Variants in CRYBG3 observed in about 807,000 individuals in gnomAD.
The protein encoded by CRYBG3 is very large A-kinase anchor protein.
A neutral mutation model predicts 244.2 loss-of-function variants in CRYBG3; 127 were observed. That is an observed-to-expected ratio of 0.52 (90% CI 0.45 to 0.60). The LOEUF (loss-of-function observed/expected upper bound fraction) is 0.60. Among genes scored for constraint, CRYBG3 ranks in the 20% least tolerant of loss-of-function variants. The pLI is 0.00. For missense variants in CRYBG3, 3,325 were observed against 3,442.5 expected, an observed-to-expected ratio of 0.97 and a Z score of 0.85; for synonymous variants, 1,132 against 1,195.8, an observed-to-expected ratio of 0.95 and a Z score of 1.10.
intron 18 of CRYBG3, 151 bp from the exon 19 acceptor site, chr3:97,936,634 C>A: frequency 1.4e-6 from 1 of 702,978 alleles, no homozygotes; most frequent in South Asian, 2.7e-5. Flanking sequence ...TCTCCTATAC[C>A]TCCCTGATTT....
At position 97,877,973 on chromosome 3, in the gene CRYBG3, A is replaced by G; in HGVS notation, c.6779A>G (p.Gln2260Arg). Residue 2260 changes from glutamine (Q) to arginine (R), a missense_variant, in exon 4 of 22, where the codon CAG becomes CGG. By Grantham distance (43) the Gln-to-Arg change is conservative. Around this residue, in one of 4 missense-constraint regions of CRYBG3, gnomAD observed 450 missense variants for 424.1 expected, o/e 1.06. Transcript: ENST00000389622. ...EKGARFGGIF[Q>R]EPVSKYFRVQ... ...GGAGCCAGATTTGGTGGAATTTTTCAGGAACCAGTGTCAAAATATTTCCGT... is the reference window on the plus strand; with the variant it reads ...GGAGCCAGATTTGGTGGAATTTTTCGGGAACCAGTGTCAAAATATTTCCGT... 6.2e-7 allele frequency: 1 copy of G among 1,614,184 alleles called. No homozygotes were observed. The highest frequency in any genetic ancestry group is 8.5e-7 in the Non-Finnish European group (1 of 1,180,008).
Position 97,874,011 on chromosome 3 carries a change from T to C in CRYBG3, c.2817T>C (p.Asn939=). ...LGSPPALLKS[N]ISWILPPIHD... is the part of the protein sequence containing the mutation. ...CTCCTCCTGCTCTTCTTAAAAGTAA[T>C]ATATCTTGGATTTTACCACCTATTC... Residue 939 remains asparagine, a synonymous_variant, in exon 4 of 22, where the codon AAT becomes AAC. Transcript: ENST00000389622. The C allele has an allele frequency of 2.6e-6, 4 of 1,535,202 alleles. No homozygotes were observed. Among genetic ancestry groups the C allele is most frequent in the South Asian group, 2.4e-5 (2 of 83,782 alleles).
intron 2 of CRYBG3, among the ~76,000 whole-genome samples, chr3:97,845,234 GTCT>G (rs1187149202): frequency 6.6e-6 from 1 of 152,120 alleles, no homozygotes; most frequent in Non-Finnish European, 1.5e-5. Flanking sequence ...ACCTTATATA[GTCT>G]TCTTTTTGTG....
chr3:97,933,428 T>C lies in CRYBG3; in HGVS notation c.8242-266T>C, dbSNP rs1304269497. On this transcript the variant is annotated intron_variant, in intron 17 of 21. Coordinates refer to ENST00000389622, the MANE Select transcript of CRYBG3 (RefSeq NM_153605.4). ...CAAGACCTTAATCTGTGATTTGGAA[T>C]CATGGGTCTCTTTATTATGGCTGTT... is the stretch of plus-strand genomic sequence containing the variant. 7 of 476,362 alleles carry C rather than the reference T, an allele frequency of 1.5e-5. No individual in the cohort carries two copies. The Admixed American group carries it at 2.2e-4, about 15-fold the overall frequency. The allele number at this position is 476,362 out of a possible 1,614,324, so 29.5% of individuals were successfully genotyped here. A position where few individuals can be genotyped will look rare whatever the true frequency, so the allele number is the denominator to read the frequency against.
At chr3:97,846,077 A>G (rs1468070889) in intron 2 of CRYBG3, among the ~76,000 whole-genome samples, 4 of 152,306 alleles carry the variant, frequency 2.6e-5, no homozygotes, top group Admixed American at 6.5e-5. Flanking sequence ...AAGCTATTCC[A>G]TGAAACCAGT....
intron 18 of CRYBG3, 146 bp downstream of exon 18, chr3:97,933,979 C>G (rs1435532903): frequency 1.7e-6 from 1 of 573,174 alleles, no homozygotes; most frequent in Non-Finnish European, 3.1e-6. Flanking sequence ...ACCATATGGT[C>G]ACAGCATGTG....
intron 1 of CRYBG3, among the ~76,000 whole-genome samples, chr3:97,841,308 A>G (rs1042681671): frequency 6.7e-6 from 1 of 149,726 alleles, no homozygotes; most frequent in East Asian, 2.0e-4. Flanking sequence ...ATGTATATAT[A>G]TGTGTATATA....
At chr3:97,880,193 C>T (rs2039428973) in intron 6 of CRYBG3, 93 bp downstream of exon 6, 1 of 623,130 alleles carries the variant, frequency 1.6e-6, no homozygotes, top group East Asian at 2.9e-5. Flanking sequence ...TTATTGAAGT[C>T]ATATTCTCCT....
At chr3:97,841,855 A>G (rs2038824088) in intron 1 of CRYBG3, among the ~76,000 whole-genome samples, 1 of 152,114 alleles carries the variant, frequency 6.6e-6, no homozygotes, top group Non-Finnish European at 1.5e-5. Flanking sequence ...TTGGAGGATT[A>G]CCTCTGTCCT....
At position 97,943,300 on chromosome 3, in the gene CRYBG3, A is replaced by G; in HGVS notation, c.8899A>G (p.Ile2967Val). 6.4e-7 allele frequency: 1 copy of G among 1,564,312 alleles called. No homozygotes were observed. Among genetic ancestry groups the G allele is most frequent in the South Asian group, 1.1e-5 (1 of 89,510 alleles). ...LEGEETQKWD[I>V]EIL is the part of the protein sequence containing the mutation. Reference sequence around the variant, plus strand: ...GGGAGAAGAAACACAGAAATGGGACATTGAAATATTGTGAGAGAATCAACA... The same window carrying G: ...GGGAGAAGAAACACAGAAATGGGACGTTGAAATATTGTGAGAGAATCAACA... Residue 2967 changes from isoleucine (I) to valine (V), a missense_variant, in exon 22 of 22, where the codon ATT becomes GTT. Ile to Val is a conservative substitution (Grantham distance 29, BLOSUM62 3). Around this residue, in one of 4 missense-constraint regions of CRYBG3, gnomAD observed 714 missense variants for 803.6 expected, o/e 0.89. Coordinates refer to ENST00000389622, the MANE Select transcript of CRYBG3 (RefSeq NM_153605.4).
At position 97,926,181 on chromosome 3, in the gene CRYBG3, G is replaced by A. The variant is rs77599223; in HGVS notation, c.8242-7513G>A. On this transcript the variant is annotated intron_variant, in intron 17 of 21. Coordinates refer to ENST00000389622, the MANE Select transcript of CRYBG3 (RefSeq NM_153605.4). Reference sequence around the variant, plus strand: ...TGCAAAAATCCTCAACAAAGTACTGGCAAACTGAATCCAGCAGGACATCAA... The same window carrying A: ...TGCAAAAATCCTCAACAAAGTACTGACAAACTGAATCCAGCAGGACATCAA... Among the ~76,000 whole-genome samples the A allele has an allele frequency of 6.4e-3, 979 of 152,128 alleles. 8 individuals are homozygous for A. Among genetic ancestry groups the A allele is most frequent in the African/African-American group, 0.022 (895 of 41,520 alleles).
At chr3:97,841,088 T>C (rs2038806241) in intron 1 of CRYBG3, among the ~76,000 whole-genome samples, 1 of 151,976 alleles carries the variant, frequency 6.6e-6, no homozygotes, top group African/African-American at 2.4e-5. Flanking sequence ...TTGTACGGGT[T>C]ACAATTCTGT....
chr3:97,832,676 A>C (rs2038671095), intron 1 of CRYBG3, among the ~76,000 whole-genome samples: 1 of 152,222 alleles, frequency 6.6e-6, no homozygotes, highest in South Asian at 2.1e-4. Flanking sequence ...CTTCCTGACT[A>C]AAACACCAAA....
intron 17 of CRYBG3, among the ~76,000 whole-genome samples, chr3:97,923,899 A>G (rs1320466426): frequency 6.6e-6 from 1 of 152,160 alleles, no homozygotes. Context: ...CAGGCAAAAC[A>G]CAGTGTTCTC....
At chr3:97,851,622 G>A (rs561941035) in intron 2 of CRYBG3, among the ~76,000 whole-genome samples, 1 of 152,330 alleles carries the variant, frequency 6.6e-6, no homozygotes, top group South Asian at 2.1e-4. Flanking sequence ...GGTAGGGAGG[G>A]AGAGAGGAAG....
At chr3:97,888,299 G>C in intron 8 of CRYBG3, 42 bp from the exon 9 acceptor site, 1 of 1,195,740 alleles carries the variant, frequency 8.4e-7, no homozygotes, top group Non-Finnish European at 1.2e-6. Context: ...CCAGACTAAA[G>C]CAGTACTATT....
At chr3:97,930,950 C>A (rs2040090933) in intron 17 of CRYBG3, among the ~76,000 whole-genome samples, 1 of 152,024 alleles carries the variant, frequency 6.6e-6, no homozygotes, top group African/African-American at 2.4e-5. Flanking sequence ...CCAAAGTGAT[C>A]TTTTTCCTCA....
In CRYBG3 at chr3:97,872,503, T is replaced by G. The variant is rs575157583; in HGVS notation, c.1309T>G (p.Phe437Val). Residue 437 changes from phenylalanine to valine, a missense_variant, in exon 4 of 22, where the codon TTC becomes GTC. Physicochemically the swap from Phe to Val is conservative, Grantham distance 50 (BLOSUM62 -1). Transcript: ENST00000389622. ...VEPQGPAISD[F>V]SCSKSDGSDT... ...GCCTCAGGGCCCTGCTATTTCTGATTTCTCTTGTAGTAAATCTGATGGGAG... is the reference window on the plus strand; with the variant it reads ...GCCTCAGGGCCCTGCTATTTCTGATGTCTCTTGTAGTAAATCTGATGGGAG... 3 of 1,536,000 alleles carry G rather than the reference T, an allele frequency of 2.0e-6. No individual in the cohort carries two copies. In the East Asian group the frequency reaches 7.3e-5, roughly 38 times the overall value.
intron 19 of CRYBG3, among the ~76,000 whole-genome samples, chr3:97,940,111 G>T (rs548432750): frequency 6.6e-6 from 1 of 152,006 alleles, no homozygotes; most frequent in Non-Finnish European, 1.5e-5. Flanking sequence ...AGAACCAAAG[G>T]TGGGGATGTT....
Sources: allele counts gnomAD v4.1 joint callset (sites outside exome capture counted in the v4.1 genomes callset), GRCh38; gene constraint gnomAD v4.1.1; regional missense constraint gnomAD v4.1.1; transcripts MANE v1.5; gene names NCBI Gene and HGNC (gene_info 2026-07-23, HGNC 2026-07-21).